CCDC77: variants seen among roughly 807,000 people sequenced by gnomAD.
The protein encoded by CCDC77 is coiled-coil domain-containing protein 77.
A neutral mutation model predicts 66.8 loss-of-function variants in CCDC77; 56 were observed. The ratio of observed to expected loss-of-function variants is 0.84; its 90% CI spans 0.68 to 1.05. CCDC77 has a LOEUF of 1.05. Ranked by LOEUF, CCDC77 falls within the 50% of genes least tolerant of loss-of-function variation. The probability of loss-of-function intolerance (pLI) is 0.00; values close to 1 mark genes in which losing one functional copy is unlikely to be tolerated. For missense variants in CCDC77, 570 were observed against 576.8 expected (o/e 0.99, Z 0.12); for synonymous variants, 196 against 195.2 (o/e 1.00, Z -0.03).
At chr12:417,938 C>T (rs1945318573) in intron 4 of CCDC77, among the ~76,000 whole-genome samples, 1 of 151,730 alleles carries the variant, frequency 6.6e-6, no homozygotes, top group Non-Finnish European at 1.5e-5. Flanking sequence ...GTGAGTCGTA[C>T]AGCATTCTGG....
chr12:395,694 C>G (rs187820033), intron 1 of CCDC77, among the ~76,000 whole-genome samples: 16 of 152,024 alleles, frequency 1.1e-4, no homozygotes, highest in Non-Finnish European at 2.1e-4. Context: ...AGGAGTTCGA[C>G]ACCAGAGTGG....
At chr12:410,793 G>T (rs186442403) in intron 3 of CCDC77, among the ~76,000 whole-genome samples, 2 of 151,608 alleles carry the variant, frequency 1.3e-5, no homozygotes, top group Non-Finnish European at 2.9e-5. Flanking sequence ...TAATTTGCCC[G>T]CCTTGGCCTC....
chr12:423,479 G>GTTT (rs1289177296), intron 5 of CCDC77, among the ~76,000 whole-genome samples: 4 of 21,232 alleles, frequency 1.9e-4, no homozygotes, highest in African/African-American at 6.4e-4. Context: ...TGTTTTTTGT[G>GTTT]TTTTTTTTTG....
intron 12 of CCDC77, among the ~76,000 whole-genome samples, chr12:441,285 T>C (rs934900460): frequency 1.3e-5 from 2 of 152,216 alleles, no homozygotes; most frequent in Non-Finnish European, 2.9e-5. Flanking sequence ...GTCTTACAGT[T>C]GGGGAGGGTG....
Position 413,403 on chromosome 12 carries a change from A to AT in CCDC77, c.270+1432dup, listed in dbSNP as rs1469939029. ...TGGTGCCTGCCACCATGCCCAGCTA[A>AT]TTTTTTTGTATTTTTTTAGTAGAGA... On this transcript the variant is annotated intron_variant, in intron 4 of 12. Transcript: ENST00000239830. Among the ~76,000 whole-genome samples, 11 of 142,452 alleles carry AT rather than the reference A, an allele frequency of 7.7e-5. No individual in the cohort carries two copies. The Admixed American group carries it at 7.9e-4, about 10-fold the overall frequency. The allele number at this position is 142,452 out of a possible 152,430, so 93.5% of individuals were successfully genotyped here.
intron 1 of CCDC77, among the ~76,000 whole-genome samples, chr12:392,234 A>C (rs1229292245): frequency 2.6e-5 from 4 of 152,198 alleles, no homozygotes; most frequent in African/African-American, 9.7e-5. Context: ...AAATAGACTA[A>C]AATGAATACT....
At chr12:438,579 GTTGT>G in intron 10 of CCDC77, 25 bp downstream of exon 10, 1 of 1,548,168 alleles carries the variant, frequency 6.5e-7, no homozygotes, top group Non-Finnish European at 8.8e-7. Context: ...TCGTAACGAA[GTTGT>G]TTATTTTTCT....
At position 440,967 on chromosome 12, in the gene CCDC77, C is replaced by A; in HGVS notation, c.1291C>A (p.Leu431Met). The A allele has an allele frequency of 1.9e-6, 3 of 1,612,576 alleles. No individual in the cohort carries two copies. The highest frequency in any genetic ancestry group is 2.5e-6 in the Non-Finnish European group (3 of 1,180,006). ...KTDIKVLRQKLKDLEQMLYKA... is the reference protein window; with the variant it reads ...KTDIKVLRQKMKDLEQMLYKA... ...AGATATTAAAGTTCTCCGACAGAAACTGAAAGACTTGGAGCAAATGTTGTA... is the reference window on the plus strand; with the variant it reads ...AGATATTAAAGTTCTCCGACAGAAAATGAAAGACTTGGAGCAAATGTTGTA... Residue 431 changes from leucine (L) to methionine (M), a missense_variant, in exon 12 of 13, where the codon CTG (leucine) becomes ATG (methionine). Leu to Met is a conservative substitution (Grantham distance 15). Coordinates refer to ENST00000239830, the MANE Select transcript of CCDC77 (RefSeq NM_032358.4).
At chr12:434,094 G>T (rs1945702242) in intron 9 of CCDC77, among the ~76,000 whole-genome samples, 1 of 151,838 alleles carries the variant, frequency 6.6e-6, no homozygotes, top group African/African-American at 2.4e-5. Flanking sequence ...ACTGTAAAGT[G>T]CTTCTGATTG....
chr12:414,652 C>T (rs756574345), intron 4 of CCDC77, among the ~76,000 whole-genome samples: 22 of 152,152 alleles, frequency 1.4e-4, no homozygotes, highest in South Asian at 2.1e-4. Flanking sequence ...GCCACCATTT[C>T]GCCTTCCTCC....
intron 4 of CCDC77, among the ~76,000 whole-genome samples, chr12:417,033 G>T (rs187186745): frequency 1.2e-3 from 186 of 151,876 alleles, no homozygotes; most frequent in African/African-American, 4.3e-3. Context: ...CAGCTACTTA[G>T]GAGGCTGAGG....
chr12:412,607 C>T (rs1565566387), intron 4 of CCDC77, among the ~76,000 whole-genome samples: 6 of 152,190 alleles, frequency 3.9e-5, no homozygotes, highest in Admixed American at 2.6e-4. Flanking sequence ...CTGTGACAAT[C>T]AAGAATCTCT....
At chr12:423,504 T>TG (rs1945472539) in intron 5 of CCDC77, among the ~76,000 whole-genome samples, 2 of 108,172 alleles carry the variant, frequency 1.8e-5, no homozygotes, top group South Asian at 3.3e-4. Flanking sequence ...GTTTTTTTTT[T>TG]TTTTTTTTTG....
chr12:403,055 G>A (rs1464789683), intron 1 of CCDC77, among the ~76,000 whole-genome samples: 1 of 152,196 alleles, frequency 6.6e-6, no homozygotes, highest in Non-Finnish European at 1.5e-5. Context: ...GGGACTATGG[G>A]TGAAAATGTC....
chr12:413,528 T>C (rs1565566883), intron 4 of CCDC77, among the ~76,000 whole-genome samples: 3 of 149,164 alleles, frequency 2.0e-5, no homozygotes, highest in Non-Finnish European at 4.4e-5. Flanking sequence ...CATGAGCCAC[T>C]GCGCCCGGCC....
At chr12:432,043 C>A (rs1033500362) in intron 8 of CCDC77, 89 bp downstream of exon 8, 2 of 751,050 alleles carry the variant, frequency 2.7e-6, no homozygotes, top group African/African-American at 3.5e-5. Flanking sequence ...TGATAAGTAT[C>A]TCCTTGCACA....
chr12:416,882 CG>C (rs1270373547), intron 4 of CCDC77, among the ~76,000 whole-genome samples: 3 of 77,580 alleles, frequency 3.9e-5, no homozygotes, highest in Non-Finnish European at 7.8e-5. Context: ...CCGAGGCCGG[CG>C]GATCACCTGG....
Position 415,311 on chromosome 12 carries a change from ATG to A in CCDC77, c.271-3181_271-3180del, listed in dbSNP as rs1168915709. 1.8e-5 allele frequency among the ~76,000 whole-genome samples: 2 copies of A among 109,274 alleles called. 1 individual carries two copies. Among genetic ancestry groups the A allele is most frequent in the Admixed American group, 2.2e-4 (2 of 9,164 alleles). The allele number at this position is 109,274 out of a possible 152,430, so 71.7% of individuals were successfully genotyped here. On this transcript the variant is annotated intron_variant, in intron 4 of 12. Transcript: ENST00000239830. ...ATGTTAATATAATCAACATAATATT[ATG>A]TTAATATAATCAACATAATATTATG...
intron 1 of CCDC77, among the ~76,000 whole-genome samples, chr12:402,067 C>G (rs764042069): frequency 2.6e-5 from 4 of 152,124 alleles, no homozygotes; most frequent in Non-Finnish European, 4.4e-5. Context: ...ATAAATTGTA[C>G]AGATTTGTCA....
Sources: allele counts gnomAD v4.1 joint callset (sites outside exome capture counted in the v4.1 genomes callset), GRCh38; gene constraint gnomAD v4.1.1; transcripts MANE v1.5; gene names NCBI Gene and HGNC (gene_info 2026-07-23, HGNC 2026-07-21).